Variants in SOHLH2 observed in about 807,000 individuals in gnomAD.
SOHLH2 encodes spermatogenesis- and oogenesis-specific basic helix-loop-helix-containing protein 2.
In SOHLH2, 22 loss-of-function variants were observed where a neutral mutation model predicts 50.4. That is an observed-to-expected ratio of 0.44 (90% CI 0.31 to 0.62). The LOEUF (loss-of-function observed/expected upper bound fraction) is 0.62, where lower values mean the gene tolerates loss of function less well. Among genes scored for constraint, SOHLH2 ranks in the 20% least tolerant of loss-of-function variants. The pLI, the probability that SOHLH2 is intolerant of heterozygous loss-of-function variation, is 0.08. For missense variants in SOHLH2, 412 were observed against 504.4 expected, an observed-to-expected ratio of 0.82 and a Z score of 1.76; for synonymous variants, 185 against 187.3, an observed-to-expected ratio of 0.99 and a Z score of 0.10.
intron 4 of SOHLH2, among the ~76,000 whole-genome samples, chr13:36,192,661 A>G (rs1023470147): frequency 6.6e-6 from 1 of 152,236 alleles, no homozygotes; most frequent in Non-Finnish European, 1.5e-5. Context: ...TGACAATTCG[A>G]AATTGTACAT....
intron 4 of SOHLH2, among the ~76,000 whole-genome samples, 191 bp downstream of exon 4, chr13:36,193,430 C>T (rs540076626): frequency 4.3e-4 from 65 of 152,338 alleles, no homozygotes; most frequent in Non-Finnish European, 8.8e-5. Context: ...AAACCCTGTG[C>T]CTACCGCAGC....
chr13:36,208,087 T>C (rs1448751851), intron 1 of SOHLH2, among the ~76,000 whole-genome samples: 1 of 152,192 alleles, frequency 6.6e-6, no homozygotes, highest in Non-Finnish European at 1.5e-5. Flanking sequence ...TATCAAACAA[T>C]TGTGGATGTA....
At chr13:36,203,901 A>G (rs1868582840) in intron 1 of SOHLH2, among the ~76,000 whole-genome samples, 1 of 149,980 alleles carries the variant, frequency 6.7e-6, no homozygotes, top group African/African-American at 2.5e-5. Flanking sequence ...TCTGGATATT[A>G]GTCAACCACT....
chr13:36,202,906 G>A (rs1868511135), intron 1 of SOHLH2, among the ~76,000 whole-genome samples: 1 of 152,202 alleles, frequency 6.6e-6, no homozygotes, highest in Admixed American at 6.5e-5. Context: ...TGGCAAAGAA[G>A]CAACTCCACA....
At chr13:36,211,104 T>C (rs1306199158) in intron 1 of SOHLH2, among the ~76,000 whole-genome samples, 7 of 152,220 alleles carry the variant, frequency 4.6e-5, no homozygotes, top group Admixed American at 1.3e-4. Context: ...TGTTTTTTAA[T>C]TAACCTGATT....
chr13:36,183,153 C>T, intron 6 of SOHLH2: 1 of 385,798 alleles, frequency 2.6e-6, no homozygotes, highest in South Asian at 1.9e-5. Flanking sequence ...TGTAAGCTTC[C>T]TGAGGGCTCA....
intron 6 of SOHLH2, chr13:36,182,122 T>A (rs1887273582): frequency 1.0e-6 from 1 of 985,414 alleles, no homozygotes; most frequent in African/African-American, 1.7e-5. Flanking sequence ...GAAAAAAGTG[T>A]CCTTGTACTT....
chr13:36,214,040 AT>A (rs774440035), intron 1 of SOHLH2, among the ~76,000 whole-genome samples: 22,966 of 139,468 alleles, frequency 0.16, 1,894 homozygotes, highest in Non-Finnish European at 0.2. Context: ...AAGGGCTAAG[AT>A]TTTTTTTTTT....
chr13:36,171,820 T>C (rs1454540700), intron 9 of SOHLH2, among the ~76,000 whole-genome samples: 1 of 152,146 alleles, frequency 6.6e-6, no homozygotes, highest in Non-Finnish European at 1.5e-5. Flanking sequence ...ACTATTAAAA[T>C]GGTGATGAGT....
Position 36,189,937 on chromosome 13 carries a change from A to T in SOHLH2, c.641+9T>A. The T allele has an allele frequency of 6.3e-7, 1 of 1,580,812 alleles. No individual in the cohort carries two copies. The highest frequency in any genetic ancestry group is 8.6e-7 in the Non-Finnish European group (1 of 1,163,882). ...AATAATGCTTAAAAAGTGCTATATT[A>T]AAATTCACCTTCTTAGTTTTTCCTT... On this transcript the variant is annotated intron_variant, in intron 6 of 10. Transcript: ENST00000379881.
intron 1 of SOHLH2, among the ~76,000 whole-genome samples, chr13:36,207,661 T>G (rs1243807173): frequency 1.3e-5 from 2 of 152,208 alleles, no homozygotes; most frequent in African/African-American, 4.8e-5. Context: ...ATAGCCTTTT[T>G]CTGTCCCAGG....
intron 10 of SOHLH2, 137 bp downstream of exon 10, chr13:36,170,394 T>A (rs536404943): frequency 7.1e-7 from 1 of 1,400,810 alleles, no homozygotes. Context: ...TTTTCACTCA[T>A]CAGGGTAGAG....
At chr13:36,211,413 G>A (rs2138336173) in intron 1 of SOHLH2, among the ~76,000 whole-genome samples, 2 of 152,352 alleles carry the variant, frequency 1.3e-5, no homozygotes, top group Non-Finnish European at 2.9e-5. Flanking sequence ...GGCAGACACA[G>A]GGCTGGGCGC....
At chr13:36,196,125 TAA>T (rs1491440722) in intron 2 of SOHLH2, among the ~76,000 whole-genome samples, 118 of 135,024 alleles carry the variant, frequency 8.7e-4, no homozygotes, top group South Asian at 2.4e-3. Flanking sequence ...GATAGATAGA[TAA>T]TTTTTTTTTT....
At chr13:36,186,838 C>T (rs1010881116) in intron 6 of SOHLH2, among the ~76,000 whole-genome samples, 1 of 152,214 alleles carries the variant, frequency 6.6e-6, no homozygotes, top group South Asian at 2.1e-4. Context: ...CCAGAACCAT[C>T]GTTTCCTTAA....
intron 6 of SOHLH2, among the ~76,000 whole-genome samples, chr13:36,178,613 C>T (rs1887155710): frequency 6.6e-6 from 1 of 152,046 alleles, no homozygotes; most frequent in Non-Finnish European, 1.5e-5. Flanking sequence ...CCTTTTCATA[C>T]ATTGTAAAAT....
At chr13:36,186,063 ATTG>A (rs1382831726) in intron 6 of SOHLH2, among the ~76,000 whole-genome samples, 2 of 152,208 alleles carry the variant, frequency 1.3e-5, no homozygotes, top group Admixed American at 6.5e-5. Context: ...AGATGCAAAA[ATTG>A]TTAACAAAAT....
At chr13:36,184,992 A>G (rs1385021164) in intron 6 of SOHLH2, among the ~76,000 whole-genome samples, 2 of 150,906 alleles carry the variant, frequency 1.3e-5, no homozygotes, top group Non-Finnish European at 3.0e-5. Flanking sequence ...TCATTGTTCA[A>G]CTCCCACTTA....
At chr13:36,184,037 C>G (rs1169682009) in intron 6 of SOHLH2, among the ~76,000 whole-genome samples, 1 of 150,374 alleles carries the variant, frequency 6.7e-6, no homozygotes, top group Non-Finnish European at 1.5e-5. Context: ...GAATACTACA[C>G]CCCCCAAACA....
Sources: allele counts gnomAD v4.1 joint callset (sites outside exome capture counted in the v4.1 genomes callset), GRCh38; gene constraint gnomAD v4.1.1; transcripts MANE v1.5; gene names NCBI Gene and HGNC (gene_info 2026-07-23, HGNC 2026-07-21).